WNT9B: variants seen among roughly 807,000 people sequenced by gnomAD.
WNT9B encodes the protein Wnt family member 9B, also known as protein Wnt-9b.
In WNT9B, 12 loss-of-function variants were observed where a neutral mutation model predicts 30.2. That is an observed-to-expected ratio of 0.40 (90% CI 0.26 to 0.64). The LOEUF is 0.64. Among genes scored for constraint, WNT9B ranks in the 30% least tolerant of loss-of-function variants. The pLI, the probability that WNT9B is intolerant of heterozygous loss-of-function variation, is 0.42. For missense variants in WNT9B, 442 were observed against 485.2 expected, an observed-to-expected ratio of 0.91 and a Z score of 0.84; for synonymous variants, 218 against 216.9, an observed-to-expected ratio of 1.01 and a Z score of -0.05.
At chr17:46,846,227 A>G (rs2084774913) in intron 1 of WNT9B, among the ~76,000 whole-genome samples, 1 of 152,228 alleles carries the variant, frequency 6.6e-6, no homozygotes, top group Non-Finnish European at 1.5e-5. Context: ...TCTCTCATGA[A>G]CATTATAAAA....
chr17:46,847,573 G>A (rs2084790546), upstream of WNT9B, among the ~76,000 whole-genome samples: 1 of 152,180 alleles, frequency 6.6e-6, no homozygotes, highest in African/African-American at 2.4e-5. Context: ...ACAGGGAGAG[G>A]GACAGGTGAG....
Position 46,875,101 on chromosome 17 carries a change from G to T in WNT9B, c.335G>T (p.Gly112Val). The T allele has an allele frequency of 6.2e-7, 1 of 1,613,630 alleles. No homozygotes were observed. The highest frequency in any genetic ancestry group is 8.5e-7 in the Non-Finnish European group (1 of 1,180,018). Reference protein sequence around the residue: ...LEGRMGLLKRGFKETAFLYAV... With the variant: ...LEGRMGLLKRVFKETAFLYAV... ...CTATGCCCCTGGGTGCCCGATCCAG[G>T]CTTCAAAGAGACAGCTTTCCTGTAC... The change falls in exon 3 of 4, where the codon GGC (glycine) becomes GTC (valine). Residue 112 changes from glycine (G) to valine (V), a missense_variant and splice_region_variant. Physicochemically the swap from Gly to Val is moderately radical, Grantham distance 109. Transcript: ENST00000290015.
At chr17:46,858,147 C>G (rs991658306) in intron 1 of WNT9B, among the ~76,000 whole-genome samples, 2 of 152,182 alleles carry the variant, frequency 1.3e-5, no homozygotes, top group East Asian at 3.8e-4. Context: ...CCTGGCTGGT[C>G]TTGAACTCCT....
chr17:46,850,422 A>G (rs2084827167), upstream of WNT9B, among the ~76,000 whole-genome samples: 1 of 152,132 alleles, frequency 6.6e-6, no homozygotes, highest in Non-Finnish European at 1.5e-5. Context: ...GCCACCTAAC[A>G]CGGTAGCCAC....
At chr17:46,853,544 G>T (rs922861206) in intron 1 of WNT9B, among the ~76,000 whole-genome samples, 1 of 151,564 alleles carries the variant, frequency 6.6e-6, no homozygotes, top group Non-Finnish European at 1.5e-5. Flanking sequence ...GCTAATTTTT[G>T]TATTTTTAGT....
chr17:46,875,044 C>T, intron 2 of WNT9B, 57 bp from the exon 3 acceptor site: 1 of 1,613,126 alleles, frequency 6.2e-7, no homozygotes, highest in South Asian at 1.1e-5. Flanking sequence ...TCTAAGCTTC[C>T]TCCTTTCCTC....
At chr17:46,837,576 C>T (rs1484341959) in intron 1 of WNT9B, among the ~76,000 whole-genome samples, 1 of 152,176 alleles carries the variant, frequency 6.6e-6, no homozygotes, top group Non-Finnish European at 1.5e-5. Context: ...GCTGTGTGAC[C>T]TGTCCGAGGT....
chr17:46,860,828 G>C (rs1365306810), intron 1 of WNT9B, among the ~76,000 whole-genome samples: 1 of 152,132 alleles, frequency 6.6e-6, no homozygotes, highest in African/African-American at 2.4e-5. Context: ...GGTAGGTGCT[G>C]ATATAATTCT....
In WNT9B at chr17:46,879,804, C is replaced by G. The variant is rs1350719495; in HGVS notation, c.*3086C>G. On this transcript the variant is annotated 3_prime_UTR_variant, in exon 4 of 4. Coordinates refer to ENST00000290015, the MANE Select transcript of WNT9B (RefSeq NM_003396.3). ...GTTCCTTCCCAGGCTGTGATCCCAG[C>G]CTTTTGGATCTGGATGGCATGTTGG... is the stretch of plus-strand genomic sequence containing the variant. 6.6e-6 allele frequency among the ~76,000 whole-genome samples: 1 copy of G among 152,188 alleles called. No homozygotes were observed. Among genetic ancestry groups the G allele is most frequent in the Non-Finnish European group, 1.5e-5 (1 of 68,030 alleles).
chr17:46,843,284 A>G (rs1296258745), intron 1 of WNT9B, among the ~76,000 whole-genome samples: 1 of 152,254 alleles, frequency 6.6e-6, no homozygotes, highest in African/African-American at 2.4e-5. Flanking sequence ...CTCTCACTCC[A>G]AAGTAGAACT....
At chr17:46,868,725 G>A (rs987176721) in intron 1 of WNT9B, among the ~76,000 whole-genome samples, 4 of 152,198 alleles carry the variant, frequency 2.6e-5, no homozygotes, top group Non-Finnish European at 4.4e-5. Flanking sequence ...AGCTAACTGT[G>A]GGTAATTGAG....
chr17:46,851,082 A>G (rs541654585), upstream of WNT9B, among the ~76,000 whole-genome samples: 4 of 152,136 alleles, frequency 2.6e-5, no homozygotes, highest in Non-Finnish European at 5.9e-5. The surrounding 1 kb of genome is among the most constrained non-coding windows in gnomAD (Gnocchi z 4.3). Flanking sequence ...GCGGTTCTGC[A>G]CCAGGACCCG....
At chr17:46,854,851 G>A (rs553810201) in intron 1 of WNT9B, among the ~76,000 whole-genome samples, 1 of 152,046 alleles carries the variant, frequency 6.6e-6, no homozygotes, top group South Asian at 2.1e-4. Flanking sequence ...ATAGAGATGG[G>A]GTTTCACCAT....
In WNT9B at chr17:46,875,340, G is replaced by T; in HGVS notation, c.574G>T (p.Ala192Ser). ...GNKDLRARADAHNTHVGIKAV... is the reference protein window; with the variant it reads ...GNKDLRARADSHNTHVGIKAV... ...CAAGGACCTGCGGGCACGGGCAGACGCCCACAATACCCACGTGGGCATCAA... is the reference window on the plus strand; with the variant it reads ...CAAGGACCTGCGGGCACGGGCAGACTCCCACAATACCCACGTGGGCATCAA... Residue 192 changes from alanine (A) to serine (S), a missense_variant, in exon 3 of 4, where the codon GCC becomes TCC. Physicochemically the swap from Ala to Ser is moderately conservative, Grantham distance 99. Coordinates refer to ENST00000290015, the MANE Select transcript of WNT9B (RefSeq NM_003396.3). The T allele has an allele frequency of 1.9e-6, 3 of 1,610,560 alleles. No homozygotes were observed. Among genetic ancestry groups the T allele is most frequent in the Non-Finnish European group, 2.5e-6 (3 of 1,177,598 alleles).
Position 46,875,177 on chromosome 17 carries a change from T to G in WNT9B, c.411T>G (p.Ala137=), listed in dbSNP as rs201294831. The change falls in exon 3 of 4, where the codon GCT becomes GCG. Residue 137 remains alanine (A), a synonymous_variant. Transcript: ENST00000290015. ...LTHTLARACS[A]GRMERCTCDD... ...ACACCCTGGCCCGGGCCTGCAGCGCTGGGCGCATGGAGCGCTGCACCTGTG... is the reference window on the plus strand; with the variant it reads ...ACACCCTGGCCCGGGCCTGCAGCGCGGGGCGCATGGAGCGCTGCACCTGTG... The G allele has an allele frequency of 1.7e-5, 28 of 1,613,998 alleles. No individual in the cohort carries two copies. In the East Asian group the frequency reaches 6.2e-4, roughly 36 times the overall value.
rs1379642790 is a variant in WNT9B, at chr17:46,877,902, C to T, written c.*1184C>T. 2.0e-5 allele frequency among the ~76,000 whole-genome samples: 3 copies of T among 152,204 alleles called. No homozygotes were observed. The highest frequency in any genetic ancestry group is 4.4e-5 in the Non-Finnish European group (3 of 68,028). On this transcript the variant is annotated 3_prime_UTR_variant, in exon 4 of 4. Coordinates refer to ENST00000290015, the MANE Select transcript of WNT9B (RefSeq NM_003396.3). ...TCCTTCAGTTCCTAATGGCCTCTCA[C>T]TTGGCCCTCACTTTGGCTCTTACTT...
At chr17:46,846,505 C>G (rs535087663) in intron 1 of WNT9B, among the ~76,000 whole-genome samples, 1 of 152,154 alleles carries the variant, frequency 6.6e-6, no homozygotes, top group South Asian at 2.1e-4. Flanking sequence ...GGCACTGGCA[C>G]AAAGTACAGT....
At chr17:46,840,060 T>C (rs1241608180) in intron 1 of WNT9B, among the ~76,000 whole-genome samples, 1 of 150,606 alleles carries the variant, frequency 6.6e-6, no homozygotes, top group Non-Finnish European at 1.5e-5. Context: ...CTCTCTCTCT[T>C]TCCTTTCTTT....
chr17:46,870,839 A>G (rs2085229460), intron 1 of WNT9B, among the ~76,000 whole-genome samples: 1 of 150,014 alleles, frequency 6.7e-6, no homozygotes, highest in Non-Finnish European at 1.5e-5. Context: ...GTGGCACATG[A>G]GCAACAGTGG....
Sources: allele counts gnomAD v4.1 joint callset (sites outside exome capture counted in the v4.1 genomes callset), GRCh38; gene constraint gnomAD v4.1.1; non-coding constraint Gnocchi (gnomAD v3.1); transcripts MANE v1.5; gene names NCBI Gene and HGNC (gene_info 2026-07-23, HGNC 2026-07-21).